Variants in KIF1B observed in about 807,000 individuals in gnomAD.
KIF1B encodes the protein kinesin family member 1B.
In KIF1B, 76 loss-of-function variants were observed where a neutral mutation model predicts 241.9. The ratio of observed to expected loss-of-function variants is 0.31; its 90% CI spans 0.26 to 0.38. The LOEUF is 0.38. Ranked by LOEUF, KIF1B falls within the 10% of genes least tolerant of loss-of-function variation. The pLI is 1.00. For synonymous variants in KIF1B, 750 were observed against 796.7 expected (o/e 0.94, Z 0.99); for missense variants, 1,622 against 2,271.4 (o/e 0.71, Z 5.81).
chr1:10,250,643 G>A (rs72865925), intron 2 of KIF1B, among the ~76,000 whole-genome samples: 5,265 of 152,274 alleles, frequency 0.035, 113 homozygotes, highest in Middle Eastern at 0.13. Flanking sequence ...TAGGCAACAT[G>A]GCAAAGCCCC....
chr1:10,317,206 T>A (rs968589329), intron 22 of KIF1B, among the ~76,000 whole-genome samples: 1 of 151,594 alleles, frequency 6.6e-6, no homozygotes, highest in Non-Finnish European at 1.5e-5. Flanking sequence ...TTTTAAAAAA[T>A]TTTTATTTAA....
chr1:10,241,191 A>AG (rs1647132218), intron 2 of KIF1B, among the ~76,000 whole-genome samples: 1 of 152,110 alleles, frequency 6.6e-6, no homozygotes, highest in South Asian at 2.1e-4. Flanking sequence ...GACCCACTGC[A>AG]GCCTCAACCT....
intron 1 of KIF1B, chr1:10,211,751 C>T (rs935544694): frequency 2.0e-5 from 3 of 151,236 alleles, no homozygotes; most frequent in South Asian, 2.1e-4. Context: ...AAACTGCCTT[C>T]AAGATTCCAT....
At chr1:10,272,550 G>T in intron 9 of KIF1B, 1 of 563,072 alleles carries the variant, frequency 1.8e-6, no homozygotes. Flanking sequence ...AAACACTGAA[G>T]GTTTGACTCA....
intron 15 of KIF1B, among the ~76,000 whole-genome samples, chr1:10,283,936 G>A (rs563109831): frequency 3.9e-5 from 6 of 152,332 alleles, no homozygotes; most frequent in African/African-American, 1.4e-4. Flanking sequence ...ACACTAAAGT[G>A]AATTAAGCTT....
At chr1:10,323,212 G>T (rs1425168957) in intron 24 of KIF1B, among the ~76,000 whole-genome samples, 1 of 152,154 alleles carries the variant, frequency 6.6e-6, no homozygotes, top group Non-Finnish European at 1.5e-5. Flanking sequence ...TTTAAAATGG[G>T]AAACCTTGCT....
chr1:10,314,226 C>A (rs1198073529), intron 22 of KIF1B, among the ~76,000 whole-genome samples: 1 of 151,368 alleles, frequency 6.6e-6, no homozygotes, highest in African/African-American at 2.5e-5. Flanking sequence ...TAGTTTTTGT[C>A]ACAAAATGAA....
chr1:10,223,811 T>G (rs1646876869), intron 1 of KIF1B, among the ~76,000 whole-genome samples: 1 of 152,158 alleles, frequency 6.6e-6, no homozygotes, highest in Admixed American at 6.5e-5. Context: ...CCCAAAGTGC[T>G]GGGATTACAG....
At chr1:10,314,488 TG>T (rs1346539835) in intron 22 of KIF1B, among the ~76,000 whole-genome samples, 3 of 151,422 alleles carry the variant, frequency 2.0e-5, no homozygotes, top group Non-Finnish European at 2.9e-5. Context: ...GGCACAGTCT[TG>T]GCTCACTGCA....
rs148098051 is a variant in KIF1B, at chr1:10,248,388, A to G, written c.107-7859A>G. Among the ~76,000 whole-genome samples, 15 of 152,184 alleles carry G rather than the reference A, an allele frequency of 9.9e-5. No homozygotes were observed. The East Asian group carries it at 1.7e-3, about 18-fold the overall frequency. On this transcript the variant is annotated intron_variant, in intron 2 of 48. Transcript: ENST00000676179. The stretch of plus-strand genomic sequence containing the variant: ...CTAATTTTTTGTATTTTTAGTAGAG[A>G]TAAGACCTCATTATGTTGCCCAGGC...
At chr1:10,321,909 G>T in intron 24 of KIF1B, 52 bp downstream of exon 24, 1 of 1,602,094 alleles carries the variant, frequency 6.2e-7, no homozygotes. Flanking sequence ...AGCCTGCTGT[G>T]GGTGCATCTG....
Position 10,343,303 on chromosome 1 carries a change from G to A in KIF1B, c.3688+16G>A, listed in dbSNP as rs146170231. On this transcript the variant is annotated intron_variant, in intron 34 of 48. Coordinates refer to ENST00000676179, the MANE Select transcript of KIF1B (RefSeq NM_001365951.3). Reference sequence around the variant, plus strand: ...TCCAAGCCAGGTGAGCACTCGCTCCGCTTTTTGCATGATGATCTCTTTGTG... The same window carrying A: ...TCCAAGCCAGGTGAGCACTCGCTCCACTTTTTGCATGATGATCTCTTTGTG... The A allele has an allele frequency of 1.9e-5, 31 of 1,612,982 alleles. No homozygotes were observed. The highest frequency in any genetic ancestry group is 1.6e-4 in the Middle Eastern group (1 of 6,062).
chr1:10,283,047 AAT>A (rs1332477105), intron 15 of KIF1B, among the ~76,000 whole-genome samples: 7 of 151,914 alleles, frequency 4.6e-5, no homozygotes, highest in Non-Finnish European at 1.5e-5. Flanking sequence ...CTCTACTAAA[AAT>A]ACAAAAAATT....
chr1:10,265,220 A>G (rs1432753489), intron 5 of KIF1B, among the ~76,000 whole-genome samples: 1 of 147,062 alleles, frequency 6.8e-6, no homozygotes, highest in African/African-American at 2.5e-5. Flanking sequence ...TTATTTATTT[A>G]TTTATTTATT....
At chr1:10,248,824 A>T (rs1314837373) in intron 2 of KIF1B, among the ~76,000 whole-genome samples, 1 of 152,148 alleles carries the variant, frequency 6.6e-6, no homozygotes, top group African/African-American at 2.4e-5. Context: ...AAAAAAGCCA[A>T]AGATGGCTCC....
At chr1:10,375,107 C>T in intron 47 of KIF1B, 61 bp downstream of exon 47, 3 of 1,566,572 alleles carry the variant, frequency 1.9e-6, no homozygotes, top group East Asian at 4.5e-5. Flanking sequence ...TTGATTTCTG[C>T]ACTCTCTGTT....
chr1:10,229,867 C>CAAAA lies in KIF1B; in HGVS notation c.-79-2358_-79-2355dup, dbSNP rs58923572. Reference sequence around the variant, plus strand: ...TGGGTGATGGAGTGAGACTCCGTCTCAAAAAAAAAAAAAAAAAAAAAAAAA... The same window carrying CAAAA: ...TGGGTGATGGAGTGAGACTCCGTCTCAAAAAAAAAAAAAAAAAAAAAAAAAAAAA... On this transcript the variant is annotated intron_variant, in intron 1 of 48. Transcript: ENST00000676179. Among the ~76,000 whole-genome samples, 149 of 56,464 alleles carry CAAAA rather than the reference C, an allele frequency of 2.6e-3. 3 individuals are homozygous for CAAAA. The highest frequency in any genetic ancestry group is 0.011 in the African/African-American group (120 of 10,872). 37.0% of individuals were successfully genotyped at this position (56,464 alleles called of 152,430 possible).
chr1:10,380,708 A>T lies in KIF1B; in HGVS notation c.*4121A>T, dbSNP rs1175762377. 4.8e-6 allele frequency: 1 copy of T among 207,448 alleles called. No homozygotes were observed. Among genetic ancestry groups the T allele is most frequent in the Non-Finnish European group, 9.9e-6 (1 of 101,456 alleles). The allele number at this position is 207,448 out of a possible 1,614,324, so 12.9% of individuals were successfully genotyped here. A position where few individuals can be genotyped will look rare whatever the true frequency, so the allele number is the denominator to read the frequency against. On this transcript the variant is annotated 3_prime_UTR_variant, in exon 49 of 49. Coordinates refer to ENST00000676179, the MANE Select transcript of KIF1B (RefSeq NM_001365951.3). ...GTGACAAAGCAGGACTCCGTCTCAA[A>T]AAAAAAGAAAAGATTCATGATGCTG...
intron 1 of KIF1B, among the ~76,000 whole-genome samples, chr1:10,223,122 C>T (rs573061175): frequency 7.4e-5 from 11 of 147,700 alleles, no homozygotes; most frequent in African/African-American, 2.8e-4. Context: ...TGTGGTGGCA[C>T]GCACCTGTAG....
Sources: allele counts gnomAD v4.1 joint callset (sites outside exome capture counted in the v4.1 genomes callset), GRCh38; gene constraint gnomAD v4.1.1; transcripts MANE v1.5; gene names NCBI Gene and HGNC (gene_info 2026-07-23, HGNC 2026-07-21).